The following EHBP1 variants were observed in gnomAD, a reference collection of about 807,000 sequenced individuals.
The protein encoded by EHBP1 is EH domain binding protein 1.
Under a neutral mutation model 144.0 loss-of-function variants are expected in EHBP1, and 55 were observed. That is an observed-to-expected ratio of 0.38 (90% CI 0.31 to 0.48). The LOEUF (loss-of-function observed/expected upper bound fraction) is 0.48. EHBP1 is among the 20% of genes least tolerant of loss of function. The pLI, the probability that EHBP1 is intolerant of heterozygous loss-of-function variation, is 0.98. For missense variants in EHBP1, 1,200 were observed against 1,364.2 expected (o/e 0.88, Z 1.90); for synonymous variants, 469 against 472.7 (o/e 0.99, Z 0.10).
chr2:62,924,896 A>G (rs1221414335), intron 10 of EHBP1, among the ~76,000 whole-genome samples: 1 of 152,216 alleles, frequency 6.6e-6, no homozygotes. Flanking sequence ...AGGATACAAC[A>G]ATAAAAACCC....
chr2:62,859,131 A>C (rs758625326), intron 7 of EHBP1, 38 bp from the exon 8 acceptor site: 3 of 1,564,450 alleles, frequency 1.9e-6, no homozygotes, highest in Non-Finnish European at 1.7e-6. Flanking sequence ...ACTTACACTT[A>C]ACCATAATAG....
intron 10 of EHBP1, among the ~76,000 whole-genome samples, chr2:62,941,676 C>G (rs1248731980): frequency 6.6e-6 from 1 of 152,016 alleles, no homozygotes; most frequent in African/African-American, 2.4e-5. Context: ...AGTAAGAATG[C>G]TTTGCTTTTT....
chr2:62,866,193 G>C (rs539115101), intron 9 of EHBP1, among the ~76,000 whole-genome samples: 18 of 152,344 alleles, frequency 1.2e-4, no homozygotes, highest in Middle Eastern at 3.4e-3. Context: ...ACTGAAAGCT[G>C]TTCTAGGCCT....
intron 5 of EHBP1, among the ~76,000 whole-genome samples, chr2:62,791,263 T>A (rs910519611): frequency 6.6e-6 from 1 of 152,014 alleles, no homozygotes; most frequent in South Asian, 2.1e-4. Context: ...TCTAGAAAAA[T>A]TGAATTTTTT....
chr2:62,721,928 T>C (rs535027878), intron 2 of EHBP1, among the ~76,000 whole-genome samples: 3 of 152,290 alleles, frequency 2.0e-5, no homozygotes, highest in Middle Eastern at 3.4e-3. Context: ...TTCAGACTTA[T>C]AGAAAAGTTG....
At chr2:62,868,949 G>T (rs1284888204) in intron 9 of EHBP1, among the ~76,000 whole-genome samples, 1 of 151,870 alleles carries the variant, frequency 6.6e-6, no homozygotes, top group Non-Finnish European at 1.5e-5. Context: ...GTGAGACCTC[G>T]TCTCTAAAAA....
intron 19 of EHBP1, among the ~76,000 whole-genome samples, chr2:63,001,733 C>G (rs185628446): frequency 6.6e-6 from 1 of 152,226 alleles, no homozygotes; most frequent in East Asian, 1.9e-4. Context: ...CCAATTCATA[C>G]AGTTTACAAG....
chr2:62,851,165 C>T (rs998185979), intron 7 of EHBP1, among the ~76,000 whole-genome samples: 1 of 152,170 alleles, frequency 6.6e-6, no homozygotes, highest in Non-Finnish European at 1.5e-5. Context: ...TCTTCCCAAA[C>T]GCTGCCACCA....
chr2:63,008,345 C>A (rs544267206), intron 19 of EHBP1, among the ~76,000 whole-genome samples: 3 of 151,352 alleles, frequency 2.0e-5, no homozygotes, highest in African/African-American at 7.3e-5. Flanking sequence ...TCCTGTGGTG[C>A]CACTAAATTT....
chr2:62,997,414 T>C (rs2059677297), intron 19 of EHBP1, among the ~76,000 whole-genome samples: 2 of 145,070 alleles, frequency 1.4e-5, no homozygotes, highest in African/African-American at 2.6e-5. Flanking sequence ...CAATAAGCAA[T>C]TGGAAAGGAA....
chr2:62,803,206 G>A (rs1286981225), intron 5 of EHBP1, among the ~76,000 whole-genome samples: 1 of 150,982 alleles, frequency 6.6e-6, no homozygotes, highest in African/African-American at 2.4e-5. Context: ...GAATAGCACT[G>A]CATTGGGCAC....
intron 6 of EHBP1, among the ~76,000 whole-genome samples, chr2:62,828,307 C>T (rs2046493581): frequency 6.6e-6 from 1 of 152,108 alleles, no homozygotes. Flanking sequence ...ATAATAGATA[C>T]ATATTTCATT....
intron 10 of EHBP1, among the ~76,000 whole-genome samples, chr2:62,877,224 A>G (rs2152855780): frequency 6.6e-6 from 1 of 152,356 alleles, no homozygotes; most frequent in South Asian, 2.1e-4. Context: ...TAGACAAAAC[A>G]GACTTTAAGC....
intron 19 of EHBP1, among the ~76,000 whole-genome samples, chr2:63,007,540 C>G (rs2060093457): frequency 6.6e-6 from 1 of 151,700 alleles, no homozygotes; most frequent in Non-Finnish European, 1.5e-5. Context: ...CATGCCTGTT[C>G]ACCTACTTTC....
chr2:62,975,176 A>G (rs1026042196), intron 14 of EHBP1, among the ~76,000 whole-genome samples: 11 of 152,350 alleles, frequency 7.2e-5, no homozygotes, highest in South Asian at 6.2e-4. Flanking sequence ...AAGCACCTAC[A>G]TGTAACTTAG....
intron 10 of EHBP1, among the ~76,000 whole-genome samples, chr2:62,882,644 AG>A (rs1406824089): frequency 6.6e-6 from 1 of 152,330 alleles, no homozygotes; most frequent in Admixed American, 6.5e-5. Flanking sequence ...GCACTTTGGG[AG>A]GCCGAGGCAG....
intron 19 of EHBP1, among the ~76,000 whole-genome samples, chr2:63,028,234 CAATT>C (rs1252495462): frequency 1.3e-5 from 2 of 151,998 alleles, no homozygotes; most frequent in Non-Finnish European, 2.9e-5. Flanking sequence ...CGCTTTTTGT[CAATT>C]AAATAAGTAA....
At chr2:62,836,486 G>T (rs2047269119) in intron 7 of EHBP1, among the ~76,000 whole-genome samples, 3 of 143,738 alleles carry the variant, frequency 2.1e-5, no homozygotes, top group Admixed American at 1.4e-4. Context: ...AACAAAGCTG[G>T]ATGGAGAATG....
At chr2:63,034,312 T>C (rs945404638) in intron 19 of EHBP1, among the ~76,000 whole-genome samples, 1 of 152,088 alleles carries the variant, frequency 6.6e-6, no homozygotes, top group South Asian at 2.1e-4. Context: ...TCATTTTTAA[T>C]TTCAAAATGG....
Sources: gnomAD v4.1 joint callset for allele counts (sites outside exome capture counted in the v4.1 genomes callset) on GRCh38, gnomAD v4.1.1 for gene constraint, MANE v1.5 for transcripts, NCBI Gene and HGNC (gene_info 2026-07-23, HGNC 2026-07-21) for gene names.